The following ADGRG7 variants were observed in gnomAD, a reference collection of about 807,000 sequenced individuals.
The protein encoded by ADGRG7 is adhesion G protein-coupled receptor G7, also known as G-protein coupled receptor 128.
A neutral mutation model predicts 88.6 loss-of-function variants in ADGRG7; 82 were observed. The ratio of observed to expected loss-of-function variants is 0.93; its 90% CI spans 0.77 to 1.11. The LOEUF (loss-of-function observed/expected upper bound fraction) is 1.11. ADGRG7 is among the 50% of genes most tolerant of loss of function. ADGRG7 has a pLI of 0.00. For missense variants in ADGRG7, 945 were observed against 953.4 expected (o/e 0.99, Z 0.12); for synonymous variants, 381 against 345.2 (o/e 1.10, Z -1.15).
intron 15 of ADGRG7, among the ~76,000 whole-genome samples, chr3:100,682,990 C>T (rs1452473234): frequency 1.3e-5 from 2 of 152,114 alleles, no homozygotes; most frequent in Non-Finnish European, 2.9e-5. Flanking sequence ...GGTGAAGCCC[C>T]ACCTTAAAGC....
chr3:100,620,745 G>A (rs1576312387), intron 1 of ADGRG7, among the ~76,000 whole-genome samples: 2 of 152,040 alleles, frequency 1.3e-5, no homozygotes, highest in South Asian at 2.1e-4. Flanking sequence ...TTATTAAATC[G>A]TATACATCAA....
chr3:100,640,537 T>C (rs368754972), intron 6 of ADGRG7, among the ~76,000 whole-genome samples: 33 of 152,192 alleles, frequency 2.2e-4, no homozygotes, highest in East Asian at 9.7e-4. Flanking sequence ...TTTTCCTTTT[T>C]TTGAGACGGA....
rs575778875 is a variant in ADGRG7 at position 100,649,113 on chromosome 3, C to T, written c.1267-582C>T. On this transcript the variant is annotated intron_variant, in intron 10 of 15. Coordinates refer to ENST00000273352, the MANE Select transcript of ADGRG7 (RefSeq NM_032787.3). ...AAAATAATGTCATGAATAAGTGAGG[C>T]AACTTTTGACAATTTAGATCTAATT... Among the ~76,000 whole-genome samples the T allele has an allele frequency of 5.9e-5, 9 of 152,238 alleles. No homozygotes were observed. In the South Asian group the frequency reaches 6.2e-4, roughly 11 times the overall value.
chr3:100,613,373 G>T (rs539970227), intron 1 of ADGRG7, among the ~76,000 whole-genome samples: 5 of 152,156 alleles, frequency 3.3e-5, no homozygotes, highest in African/African-American at 1.2e-4. Flanking sequence ...ATTTGCATTT[G>T]GGGGTTTAAA....
At chr3:100,655,793 C>A in intron 12 of ADGRG7, 106 bp from the exon 13 acceptor site, 1 of 700,500 alleles carries the variant, frequency 1.4e-6, no homozygotes, top group Admixed American at 2.1e-5. Context: ...ATAGTGAAAA[C>A]AACATACATC....
intron 5 of ADGRG7, 21 bp downstream of exon 5, chr3:100,635,847 A>G (rs1707531537): frequency 1.3e-6 from 2 of 1,571,804 alleles, no homozygotes; most frequent in Non-Finnish European, 1.7e-6. Flanking sequence ...CAGAGCTTTA[A>G]AAAAAATTTT....
At chr3:100,685,500 T>C (rs1398928302) in intron 15 of ADGRG7, among the ~76,000 whole-genome samples, 1 of 152,186 alleles carries the variant, frequency 6.6e-6, no homozygotes, top group Non-Finnish European at 1.5e-5. Context: ...GCATTAGGTA[T>C]ATCTCCTAAT....
At chr3:100,659,575 G>A in intron 13 of ADGRG7, 113 bp from the exon 14 acceptor site, 1 of 875,998 alleles carries the variant, frequency 1.1e-6, no homozygotes, top group Non-Finnish European at 1.7e-6. Flanking sequence ...GCAGAGGGAT[G>A]TTAACTTTTA....
intron 8 of ADGRG7, among the ~76,000 whole-genome samples, chr3:100,645,323 T>A (rs996246235): frequency 6.6e-6 from 1 of 152,204 alleles, no homozygotes; most frequent in African/African-American, 2.4e-5. Flanking sequence ...GTCCAGAAGA[T>A]GTTTCACAGT....
At chr3:100,625,423 A>G (rs924699014) in intron 1 of ADGRG7, among the ~76,000 whole-genome samples, 3 of 152,176 alleles carry the variant, frequency 2.0e-5, no homozygotes, top group South Asian at 4.1e-4. Context: ...TATCAGTTTA[A>G]GGAGTTTTGG....
intron 3 of ADGRG7, among the ~76,000 whole-genome samples, chr3:100,631,801 T>C (rs375072386): frequency 7.9e-5 from 12 of 152,194 alleles, no homozygotes; most frequent in African/African-American, 2.9e-4. Flanking sequence ...TGAGAAATTA[T>C]GCATATCCGT....
intron 6 of ADGRG7, among the ~76,000 whole-genome samples, chr3:100,639,010 CTGTGTG>C (rs56088926): frequency 0.029 from 4,256 of 147,036 alleles, 193 homozygotes; most frequent in African/African-American, 0.1. Context: ...CCCTCTGTTT[CTGTGTG>C]TGTGTGTGTG....
intron 11 of ADGRG7, among the ~76,000 whole-genome samples, chr3:100,650,641 G>A (rs1165264): frequency 0.26 from 39,876 of 151,942 alleles, 5,897 homozygotes; most frequent in Non-Finnish European, 0.34. Context: ...CAAGAAGTGC[G>A]TATCAGTATG....
Position 100,688,367 on chromosome 3 carries a change from T to A in ADGRG7, c.2137-6377T>A, listed in dbSNP as rs554481320. The stretch of plus-strand genomic sequence containing the variant: ...GATTTTTTGAAGGGTTTTTTGTGTC[T>A]CTGTTTCCTTCAGTTCTGCTCTGAT... On this transcript the variant is annotated intron_variant, in intron 15 of 15. Coordinates refer to ENST00000273352, the MANE Select transcript of ADGRG7 (RefSeq NM_032787.3). 6.6e-5 allele frequency among the ~76,000 whole-genome samples: 10 copies of A among 152,344 alleles called. No individual in the cohort carries two copies. In the South Asian group the frequency reaches 2.1e-3, roughly 32 times the overall value.
intron 15 of ADGRG7, among the ~76,000 whole-genome samples, chr3:100,679,772 T>G (rs1037407474): frequency 6.6e-6 from 1 of 152,200 alleles, no homozygotes; most frequent in Non-Finnish European, 1.5e-5. Flanking sequence ...TTTTCTCCTA[T>G]GTAAGGGGTT....
At chr3:100,666,119 T>C (rs2094951383) in intron 14 of ADGRG7, among the ~76,000 whole-genome samples, 1 of 151,678 alleles carries the variant, frequency 6.6e-6, no homozygotes, top group African/African-American at 2.4e-5. Flanking sequence ...TGGCGTGATC[T>C]CGGCCACTGC....
At chr3:100,664,335 T>C (rs576424722) in intron 14 of ADGRG7, among the ~76,000 whole-genome samples, 18 of 152,228 alleles carry the variant, frequency 1.2e-4, no homozygotes, top group African/African-American at 3.8e-4. Flanking sequence ...GCAAAACTGT[T>C]TAGAAATGAC....
At chr3:100,622,161 C>T (rs1707320349) in intron 1 of ADGRG7, among the ~76,000 whole-genome samples, 1 of 152,070 alleles carries the variant, frequency 6.6e-6, no homozygotes, top group South Asian at 2.1e-4. Context: ...GTACCCGGGG[C>T]TGGGGACCCC....
At chr3:100,682,168 C>T (rs1293015236) in intron 15 of ADGRG7, among the ~76,000 whole-genome samples, 2 of 152,112 alleles carry the variant, frequency 1.3e-5, no homozygotes, top group East Asian at 1.9e-4. Flanking sequence ...CGGAGTCCAC[C>T]GCCCTGGGAA....
Sources: gnomAD v4.1 joint callset for allele counts (sites outside exome capture counted in the v4.1 genomes callset) on GRCh38, gnomAD v4.1.1 for gene constraint, MANE v1.5 for transcripts, NCBI Gene and HGNC (gene_info 2026-07-23, HGNC 2026-07-21) for gene names.